PREP: variants seen among roughly 807,000 people sequenced by gnomAD.
The protein encoded by PREP is prolyl endopeptidase.
Under a neutral mutation model 87.6 loss-of-function variants are expected in PREP, and 29 were observed. The observed-to-expected ratio is 0.33, with a 90% CI of 0.25 to 0.45. The LOEUF (loss-of-function observed/expected upper bound fraction) is 0.45. PREP is among the 20% of genes least tolerant of loss of function. The pLI is 1.00. For synonymous variants in PREP, 337 were observed against 328.6 expected (o/e 1.03, Z -0.28); for missense variants, 695 against 886.5 (o/e 0.78, Z 2.74).
chr6:105,376,654 C>G (rs540164930), intron 3 of PREP, among the ~76,000 whole-genome samples: 1 of 152,324 alleles, frequency 6.6e-6, no homozygotes, highest in Non-Finnish European at 1.5e-5. Context: ...GGTCAGTACA[C>G]TTTCTCTGTA....
intron 7 of PREP, among the ~76,000 whole-genome samples, chr6:105,348,975 G>T (rs1026015824): frequency 6.6e-6 from 1 of 152,070 alleles, no homozygotes; most frequent in Admixed American, 6.5e-5. Context: ...CATTTCTCTG[G>T]TAAGCCAGTG....
chr6:105,319,777 A>G (rs1312382209), intron 10 of PREP, among the ~76,000 whole-genome samples: 1 of 152,128 alleles, frequency 6.6e-6, no homozygotes, highest in African/African-American at 2.4e-5. Context: ...CCTTTACCCA[A>G]GCCAGGATGG....
chr6:105,328,789 G>A (rs768098876), intron 9 of PREP, 40 bp downstream of exon 9: 6 of 1,595,564 alleles, frequency 3.8e-6, no homozygotes, highest in African/African-American at 1.3e-5. Flanking sequence ...AACACCAGTC[G>A]GATTTTTAAA....
chr6:105,273,951 G>C lies in PREP; in HGVS notation c.*4193C>G, dbSNP rs753024772. 4.4e-4 allele frequency among the ~76,000 whole-genome samples: 67 copies of C among 152,306 alleles called. 1 individual carries two copies. The highest frequency in any genetic ancestry group is 6.8e-3 in the Middle Eastern group (2 of 294). The stretch of plus-strand genomic sequence containing the variant: ...TTTGTCCGAATGTTGCTTCCTGAAA[G>C]AGGCACCCTGACCTCGACTCAAATA... On this transcript the variant is annotated 3_prime_UTR_variant, in exon 15 of 15. Coordinates refer to ENST00000652536, the MANE Select transcript of PREP (RefSeq NM_002726.5).
intron 7 of PREP, among the ~76,000 whole-genome samples, chr6:105,352,060 C>T (rs111262538): frequency 5.0e-4 from 76 of 152,258 alleles, no homozygotes; most frequent in Middle Eastern, 3.4e-3. Context: ...CAATGTAACA[C>T]AGATTAGAAA....
chr6:105,369,100 G>A, intron 5 of PREP, 76 bp from the exon 6 acceptor site: 2 of 1,482,664 alleles, frequency 1.3e-6, no homozygotes, highest in South Asian at 2.4e-5. Flanking sequence ...ATTGCAGAAT[G>A]CTAGACACAT....
intron 1 of PREP, among the ~76,000 whole-genome samples, chr6:105,398,723 A>G (rs1473037622): frequency 6.6e-6 from 1 of 152,122 alleles, no homozygotes; most frequent in Non-Finnish European, 1.5e-5. Context: ...AAGTAGAAAC[A>G]GTTTTCACCA....
At chr6:105,381,213 TA>T (rs1772827154) in intron 2 of PREP, among the ~76,000 whole-genome samples, 1 of 152,234 alleles carries the variant, frequency 6.6e-6, no homozygotes, top group African/African-American at 2.4e-5. Flanking sequence ...TCCAAATTCC[TA>T]AAAGTCTCAA....
At chr6:105,387,770 A>C (rs1773041419) in intron 2 of PREP, among the ~76,000 whole-genome samples, 1 of 152,238 alleles carries the variant, frequency 6.6e-6, no homozygotes, top group Admixed American at 6.5e-5. Context: ...CAGGCTAGAC[A>C]AGCTTGTGCT....
chr6:105,333,663 A>G (rs4532474), intron 7 of PREP, among the ~76,000 whole-genome samples, 158 bp from the exon 8 acceptor site: 26,564 of 152,060 alleles, frequency 0.17, 2,541 homozygotes, highest in African/African-American at 0.25. Flanking sequence ...ACCAGTTGTG[A>G]GTAAATTGAA....
chr6:105,278,173 G>C lies in PREP; in HGVS notation c.2104C>G (p.Arg702Gly). Residue 702 changes from arginine (R) to glycine (G), a missense_variant, in exon 15 of 15, where the codon CGG becomes GGG. By Grantham distance (125) the Arg-to-Gly change is moderately radical. This residue lies in a region of PREP where 121 missense variants were observed against 154.8 expected (regional missense o/e 0.78). Coordinates refer to ENST00000652536, the MANE Select transcript of PREP (RefSeq NM_002726.5). This position sits in a 1 kb window ranked among gnomAD's most constrained non-coding sequence, Gnocchi z 4.2. ...EVSDMFAFIA[R>G]CLNVDWIP Reference sequence around the variant, plus strand: ...GGAATCCAGTCGACGTTCAGGCACCGCGCGATGAACGCAAACATGTCTGAG... The same window carrying C: ...GGAATCCAGTCGACGTTCAGGCACCCCGCGATGAACGCAAACATGTCTGAG... The C allele has an allele frequency of 1.2e-6, 2 of 1,613,242 alleles. No homozygotes were observed. The highest frequency in any genetic ancestry group is 1.7e-6 in the Non-Finnish European group (2 of 1,179,350).
chr6:105,355,034 C>A (rs952314327), intron 6 of PREP, among the ~76,000 whole-genome samples: 15 of 151,086 alleles, frequency 9.9e-5, no homozygotes, highest in African/African-American at 3.6e-4. Context: ...ATGATAAATG[C>A]CATGGAAAAC....
intron 3 of PREP, 116 bp from the exon 4 acceptor site, chr6:105,376,371 AATCTGGCC>A: frequency 8.0e-7 from 1 of 1,249,694 alleles, no homozygotes; most frequent in Non-Finnish European, 1.1e-6. Flanking sequence ...GTACCACTGT[AATCTGGCC>A]ATCGCAGGGA....
At chr6:105,310,292 C>A (rs894386674) in intron 10 of PREP, among the ~76,000 whole-genome samples, 1 of 152,084 alleles carries the variant, frequency 6.6e-6, no homozygotes, top group Non-Finnish European at 1.5e-5. Context: ...AAATGCAATA[C>A]AAAAATATGT....
chr6:105,293,182 C>T (rs527775876), intron 10 of PREP, among the ~76,000 whole-genome samples: 2 of 152,328 alleles, frequency 1.3e-5, no homozygotes, highest in African/African-American at 4.8e-5. Context: ...AGGCCTCTTG[C>T]ACATTCCTTC....
chr6:105,274,818 C>T lies in PREP; in HGVS notation c.*3326G>A, dbSNP rs888132847. On this transcript the variant is annotated 3_prime_UTR_variant, in exon 15 of 15. Transcript: ENST00000652536. ...CCCAGCTCCTGGGGTTACTGCCCTG[C>T]CTGCCCACCTCCTGGCTGGGGAACT... Among the ~76,000 whole-genome samples, 9 of 152,136 alleles carry T rather than the reference C, an allele frequency of 5.9e-5. No individual in the cohort carries two copies. Among genetic ancestry groups the T allele is most frequent in the Admixed American group, 4.6e-4 (7 of 15,278 alleles).
chr6:105,394,341 A>G (rs1224558817), intron 2 of PREP, among the ~76,000 whole-genome samples: 1 of 152,226 alleles, frequency 6.6e-6, no homozygotes, highest in Non-Finnish European at 1.5e-5. Flanking sequence ...GCTTTGACCA[A>G]TTCAATAAGA....
intron 10 of PREP, among the ~76,000 whole-genome samples, chr6:105,303,325 G>A (rs1038537980): frequency 2.6e-5 from 4 of 151,610 alleles, no homozygotes; most frequent in Non-Finnish European, 4.4e-5. Context: ...TGGGCCTCCC[G>A]AAGTGCTGGT....
At chr6:105,311,193 T>C (rs2114634711) in intron 10 of PREP, among the ~76,000 whole-genome samples, 1 of 152,316 alleles carries the variant, frequency 6.6e-6, no homozygotes, top group African/African-American at 2.4e-5. Flanking sequence ...CCCCCTCTAA[T>C]CTGTTCTTCA....
Sources: gnomAD v4.1 joint callset for allele counts (sites outside exome capture counted in the v4.1 genomes callset) on GRCh38, gnomAD v4.1.1 for gene constraint, gnomAD v4.1.1 regional missense constraint, Gnocchi (gnomAD v3.1) non-coding constraint, MANE v1.5 for transcripts, NCBI Gene and HGNC (gene_info 2026-07-23, HGNC 2026-07-21) for gene names.